The following BRINP3 variants were observed in gnomAD, a reference collection of about 807,000 sequenced individuals.
The protein encoded by BRINP3 is BMP/retinoic acid inducible neural specific 3.
BRINP3 carries 19 observed loss-of-function variants against 71.0 expected under a neutral mutation model. The ratio of observed to expected loss-of-function variants is 0.27; its 90% CI spans 0.19 to 0.39. The LOEUF is 0.39. BRINP3 is among the 10% of genes least tolerant of loss of function. The pLI is 1.00. For synonymous variants in BRINP3, 380 were observed against 337.7 expected (o/e 1.13, Z -1.37); for missense variants, 959 against 940.8 (o/e 1.02, Z -0.25).
intron 3 of BRINP3, among the ~76,000 whole-genome samples, chr1:190,271,148 T>C (rs1662077825): frequency 6.6e-6 from 1 of 151,642 alleles, no homozygotes; most frequent in African/African-American, 2.4e-5. Flanking sequence ...AAAATCTATA[T>C]GTTGTTGAAC....
At position 190,204,131 on chromosome 1, in the gene BRINP3, G is replaced by A. The variant is rs558374954; in HGVS notation, c.961+21951C>T. ...ATGATGACCAATTTTTCTTGAATAA[G>A]AGCTGGTTAAATTTTGCCTTGATGA... On this transcript the variant is annotated intron_variant, in intron 6 of 7. Coordinates refer to ENST00000367462, the MANE Select transcript of BRINP3 (RefSeq NM_199051.3). 1.6e-4 allele frequency among the ~76,000 whole-genome samples: 25 copies of A among 151,836 alleles called. No homozygotes were observed. The East Asian group carries it at 4.9e-3, about 30-fold the overall frequency.
chr1:190,156,698 C>A (rs1180040083), intron 7 of BRINP3, among the ~76,000 whole-genome samples: 1 of 151,690 alleles, frequency 6.6e-6, no homozygotes, highest in Admixed American at 6.6e-5. Flanking sequence ...GACTAATAGT[C>A]AACTTAGGAA....
intron 4 of BRINP3, among the ~76,000 whole-genome samples, chr1:190,260,300 C>G (rs952037065): frequency 1.3e-5 from 2 of 151,900 alleles, no homozygotes; most frequent in African/African-American, 2.4e-5. Flanking sequence ...TCTAGCTGCT[C>G]TCACCACAAA....
chr1:190,384,089 C>A (rs1397603587), intron 2 of BRINP3, among the ~76,000 whole-genome samples: 1 of 151,248 alleles, frequency 6.6e-6, no homozygotes, highest in African/African-American at 2.4e-5. Context: ...CATATGGTTT[C>A]ATATATATCA....
intron 7 of BRINP3, among the ~76,000 whole-genome samples, chr1:190,136,104 G>C (rs1478953489): frequency 1.3e-5 from 2 of 151,826 alleles, no homozygotes; most frequent in East Asian, 3.9e-4. Context: ...TTCCTATTTT[G>C]TTAAAGATAA....
In BRINP3 at chr1:190,454,792, A is replaced by G; in HGVS notation, c.99T>C (p.Ala33=). The G allele has an allele frequency of 2.5e-6, 4 of 1,614,186 alleles. No homozygotes were observed. Among genetic ancestry groups the G allele is most frequent in the Non-Finnish European group, 3.4e-6 (4 of 1,180,032 alleles). The change falls in exon 2 of 8, where the codon GCT becomes GCC. Residue 33 remains alanine, a synonymous_variant. Coordinates refer to ENST00000367462, the MANE Select transcript of BRINP3 (RefSeq NM_199051.3). Reference sequence around the variant, plus strand: ...TTGTGGCATGCTGATCCGAAACAGCAGCAACCGCTAAAACCCAGCAATGAA... The same window carrying G: ...TTGTGGCATGCTGATCCGAAACAGCGGCAACCGCTAAAACCCAGCAATGAA... ...LSLHCWVLAV[A]AVSDQHATSP...
chr1:190,460,906 C>T (rs891422018), intron 1 of BRINP3, among the ~76,000 whole-genome samples: 2 of 152,100 alleles, frequency 1.3e-5, no homozygotes, highest in Non-Finnish European at 2.9e-5. Context: ...TTTTTCTCCA[C>T]CCCCATTTTA....
chr1:190,127,865 C>G (rs1215486200), intron 7 of BRINP3, among the ~76,000 whole-genome samples: 2 of 151,682 alleles, frequency 1.3e-5, no homozygotes, highest in South Asian at 4.2e-4. Flanking sequence ...TGTTACATCG[C>G]TGAAAACCTA....
chr1:190,320,329 T>C (rs537150288), intron 2 of BRINP3, among the ~76,000 whole-genome samples: 1 of 152,198 alleles, frequency 6.6e-6, no homozygotes, highest in South Asian at 2.1e-4. Context: ...ATGGTAGTTG[T>C]AATTGTGGTG....
intron 7 of BRINP3, among the ~76,000 whole-genome samples, chr1:190,121,769 T>C (rs1364365790): frequency 6.6e-6 from 1 of 152,130 alleles, no homozygotes; most frequent in African/African-American, 2.4e-5. Flanking sequence ...GAGCTATTCT[T>C]TATGAATTCT....
chr1:190,420,793 A>C (rs1258975803), intron 2 of BRINP3, among the ~76,000 whole-genome samples: 1 of 151,924 alleles, frequency 6.6e-6, no homozygotes, highest in Non-Finnish European at 1.5e-5. Context: ...CATTTAAGGG[A>C]ATGACAAAAA....
chr1:190,190,104 G>A (rs928276187), intron 6 of BRINP3, among the ~76,000 whole-genome samples: 2 of 152,128 alleles, frequency 1.3e-5, no homozygotes, highest in Admixed American at 6.6e-5. Context: ...GCTGGAGACT[G>A]AATTCACCAA....
rs115851528 is a variant in BRINP3 at position 190,171,046 on chromosome 1, A to G, written c.962-10156T>C. On this transcript the variant is annotated intron_variant, in intron 6 of 7. Transcript: ENST00000367462. ...AACACACAAGCAATATTTGCCTATG[A>G]GACTGAAACTCAATTGAAGCCATGT... is the stretch of plus-strand genomic sequence containing the variant. Among the ~76,000 whole-genome samples, 236 of 152,254 alleles carry G rather than the reference A, an allele frequency of 1.6e-3. 1 individual carries two copies. Among genetic ancestry groups the G allele is most frequent in the African/African-American group, 5.5e-3 (227 of 41,550 alleles).
At chr1:190,161,661 A>T (rs1382271173) in intron 6 of BRINP3, among the ~76,000 whole-genome samples, 1 of 152,110 alleles carries the variant, frequency 6.6e-6, no homozygotes, top group African/African-American at 2.4e-5. Flanking sequence ...AAAATAAATA[A>T]TAATAAAGAA....
chr1:190,119,532 C>T (rs1653454060), intron 7 of BRINP3, among the ~76,000 whole-genome samples: 1 of 152,146 alleles, frequency 6.6e-6, no homozygotes, highest in Non-Finnish European at 1.5e-5. Flanking sequence ...TTCAGCCTCC[C>T]AAAGTGCTGG....
intron 4 of BRINP3, among the ~76,000 whole-genome samples, chr1:190,260,077 A>T: frequency 6.6e-6 from 1 of 151,582 alleles, no homozygotes; most frequent in South Asian, 2.1e-4. Flanking sequence ...CCACAAAAAA[A>T]AAAAAGAAAA....
chr1:190,276,917 A>G (rs1386844924), intron 3 of BRINP3, among the ~76,000 whole-genome samples: 1 of 150,334 alleles, frequency 6.7e-6, no homozygotes, highest in Non-Finnish European at 1.5e-5. Flanking sequence ...AGTATATTGT[A>G]ACTATTTCTG....
intron 6 of BRINP3, among the ~76,000 whole-genome samples, chr1:190,170,562 T>G (rs1651924942): frequency 6.6e-6 from 1 of 152,066 alleles, no homozygotes; most frequent in Non-Finnish European, 1.5e-5. Context: ...ATGACTCAAG[T>G]GGGTAAAAAA....
chr1:190,366,734 G>A (rs528290878), intron 2 of BRINP3, among the ~76,000 whole-genome samples: 6 of 152,194 alleles, frequency 3.9e-5, no homozygotes, highest in African/African-American at 7.2e-5. Context: ...ACACCCATTC[G>A]AAATGCAAGC....
Sources: allele counts gnomAD v4.1 joint callset (sites outside exome capture counted in the v4.1 genomes callset), GRCh38; gene constraint gnomAD v4.1.1; transcripts MANE v1.5; gene names NCBI Gene and HGNC (gene_info 2026-07-23, HGNC 2026-07-21).